Variants in MYO10 observed in about 807,000 individuals in gnomAD.
MYO10 encodes myosin X.
MYO10 carries 133 observed loss-of-function variants against 257.3 expected under a neutral mutation model. That is an observed-to-expected ratio of 0.52 (90% CI 0.45 to 0.60). The LOEUF (loss-of-function observed/expected upper bound fraction) is 0.60, where lower values mean the gene tolerates loss of function less well. MYO10 is among the 20% of genes least tolerant of loss of function. MYO10 has a pLI of 0.00. For missense variants in MYO10, 2,399 were observed against 2,635.7 expected, an observed-to-expected ratio of 0.91 and a Z score of 1.97; for synonymous variants, 1,104 against 1,028.6, an observed-to-expected ratio of 1.07 and a Z score of -1.40.
intron 1 of MYO10, among the ~76,000 whole-genome samples, chr5:16,918,500 CTTTTTTTT>C (rs5866221): frequency 1.7e-5 from 2 of 117,696 alleles, no homozygotes; most frequent in African/African-American, 3.3e-5. Flanking sequence ...TTTTTCTTTT[CTTTTTTTT>C]TTTTTTTTTT....
Position 16,761,560 on chromosome 5 carries a change from A to G in MYO10, c.1657-14T>C, listed in dbSNP as rs1380821730. The G allele has an allele frequency of 1.3e-6, 2 of 1,588,376 alleles. No homozygotes were observed. Among genetic ancestry groups the G allele is most frequent in the Non-Finnish European group, 1.7e-6 (2 of 1,157,144 alleles). On this transcript the variant is annotated splice_polypyrimidine_tract_variant and intron_variant, in intron 16 of 40. Transcript: ENST00000513610. ...ATCATATTGCACCTAGTTTTAATAA[A>G]TAAGAGAGGAGAAAACTGATTGAAA... is the stretch of plus-strand genomic sequence containing the variant.
intron 26 of MYO10, among the ~76,000 whole-genome samples, chr5:16,695,198 G>C (rs1388535262): frequency 6.6e-6 from 1 of 152,168 alleles, no homozygotes; most frequent in African/African-American, 2.4e-5. Context: ...GCCGGGTATG[G>C]TGGTGCGTGC....
In MYO10 at chr5:16,835,490, CTGTT is replaced by C. The variant is rs1346913838; in HGVS notation, c.121-17327_121-17324del. On this transcript the variant is annotated intron_variant, in intron 2 of 40. Coordinates refer to ENST00000513610, the MANE Select transcript of MYO10 (RefSeq NM_012334.3). The stretch of plus-strand genomic sequence containing the variant: ...GAGATCACACCAAAGTCATTTTTGG[CTGTT>C]TTTTTTTTTTTTTTTTTTTTTGGTG... 9.6e-4 allele frequency among the ~76,000 whole-genome samples: 61 copies of C among 63,252 alleles called. No individual in the cohort carries two copies. The East Asian group carries it at 0.024, about 25-fold the overall frequency. The allele number at this position is 63,252 out of a possible 152,430, so 41.5% of individuals were successfully genotyped here.
intron 25 of MYO10, among the ~76,000 whole-genome samples, chr5:16,700,072 C>G (rs746438275): frequency 1.3e-5 from 2 of 152,114 alleles, no homozygotes; most frequent in African/African-American, 2.4e-5. Flanking sequence ...CTTTGAAAGT[C>G]AAGAGAACAT....
chr5:16,935,997 C>A lies in MYO10; in HGVS notation c.-189G>T. 1.5e-6 allele frequency: 1 copy of A among 652,098 alleles called. No homozygotes were observed. The allele number at this position is 652,098 out of a possible 1,614,324, so 40.4% of individuals were successfully genotyped here. Reference sequence around the variant, plus strand: ...CTTTTGTTCGCCCAAACCCAAGTCCCTAACTCGCCCGTCCCGACGGCAGCC... The same window carrying A: ...CTTTTGTTCGCCCAAACCCAAGTCCATAACTCGCCCGTCCCGACGGCAGCC... On this transcript the variant is annotated 5_prime_UTR_variant, in exon 1 of 41. The change creates a new upstream start codon in the 5' untranslated region. Coordinates refer to ENST00000513610, the MANE Select transcript of MYO10 (RefSeq NM_012334.3).
intron 19 of MYO10, among the ~76,000 whole-genome samples, chr5:16,751,450 C>CT (rs1332937038): frequency 6.6e-6 from 1 of 152,108 alleles, no homozygotes; most frequent in African/African-American, 2.4e-5. Flanking sequence ...CAAGTCAGCT[C>CT]TTGTGCCTCT....
At chr5:16,865,671 C>T (rs1022349452) in intron 2 of MYO10, among the ~76,000 whole-genome samples, 2 of 151,738 alleles carry the variant, frequency 1.3e-5, no homozygotes, top group East Asian at 1.9e-4. Flanking sequence ...ATTAGCCGGG[C>T]GTGGTGGCAG....
chr5:16,906,669 G>A (rs1745528488), intron 1 of MYO10, among the ~76,000 whole-genome samples: 1 of 152,082 alleles, frequency 6.6e-6, no homozygotes, highest in Admixed American at 6.5e-5. Context: ...CTATCTCGAA[G>A]GTCACTGCAA....
intron 4 of MYO10, among the ~76,000 whole-genome samples, chr5:16,789,527 C>T (rs974730418): frequency 3.9e-5 from 6 of 152,150 alleles, no homozygotes; most frequent in African/African-American, 1.4e-4. Context: ...TTCACTCATG[C>T]CTGTAATCTT....
intron 16 of MYO10, 24 bp downstream of exon 16, chr5:16,762,021 A>G (rs1250001795): frequency 6.0e-6 from 9 of 1,505,732 alleles, no homozygotes; most frequent in Admixed American, 5.3e-5. Flanking sequence ...GCAAATATCA[A>G]TAGGTATCTT....
At chr5:16,720,022 G>GTGTA (rs757760988) in intron 19 of MYO10, among the ~76,000 whole-genome samples, 3 of 142,130 alleles carry the variant, frequency 2.1e-5, no homozygotes, top group African/African-American at 6.0e-5. Context: ...GTGTGTGTGT[G>GTGTA]TATATGTATG....
intron 1 of MYO10, among the ~76,000 whole-genome samples, chr5:16,921,132 G>GATAAAATAAA (rs56053669): frequency 0.053 from 7,923 of 149,152 alleles, 234 homozygotes; most frequent in Non-Finnish European, 0.065. Context: ...AATAACATAA[G>GATAAAATAAA]ATAAAATAAA....
At chr5:16,710,072 A>C (rs1360868260) in intron 21 of MYO10, among the ~76,000 whole-genome samples, 1 of 152,308 alleles carries the variant, frequency 6.6e-6, no homozygotes, top group East Asian at 1.9e-4. Flanking sequence ...AAAACAGCAT[A>C]TTATGAGTGG....
intron 18 of MYO10, among the ~76,000 whole-genome samples, chr5:16,757,119 TAAAAAA>T (rs58155620): frequency 9.0e-5 from 9 of 100,132 alleles, no homozygotes; most frequent in African/African-American, 3.7e-4. Context: ...ACTCTGCCTT[TAAAAAA>T]AAAAAAAAAA....
At chr5:16,749,031 C>T (rs1465709096) in intron 19 of MYO10, among the ~76,000 whole-genome samples, 2 of 152,162 alleles carry the variant, frequency 1.3e-5, no homozygotes, top group African/African-American at 4.8e-5. Context: ...GCCCACAAGG[C>T]TCACGTGACC....
At chr5:16,786,108 C>A (rs114214303) in intron 4 of MYO10, among the ~76,000 whole-genome samples, 1,536 of 31,640 alleles carry the variant, frequency 0.049, 8 homozygotes, top group South Asian at 0.1. Flanking sequence ...GAGTCCCTCC[C>A]CTACCCACCA....
intron 2 of MYO10, among the ~76,000 whole-genome samples, chr5:16,821,982 C>CAAA (rs35589852): frequency 3.0e-4 from 44 of 144,580 alleles, no homozygotes; most frequent in Admixed American, 1.7e-3. Context: ...ATGTGTATTT[C>CAAA]AAAAAAAAAA....
chr5:16,739,194 A>ACC (rs1561218922), intron 19 of MYO10, among the ~76,000 whole-genome samples: 8 of 149,864 alleles, frequency 5.3e-5, no homozygotes, highest in African/African-American at 2.0e-4. Context: ...CATGTCCCAA[A>ACC]AAAAAAAAAA....
intron 1 of MYO10, among the ~76,000 whole-genome samples, chr5:16,878,788 G>A (rs1744673942): frequency 1.3e-5 from 2 of 152,096 alleles, no homozygotes; most frequent in Non-Finnish European, 2.9e-5. Flanking sequence ...CTATGAGGAT[G>A]CAAAGGCATA....
Sources: gnomAD v4.1 joint callset for allele counts (sites outside exome capture counted in the v4.1 genomes callset) on GRCh38, gnomAD v4.1.1 for gene constraint, MANE v1.5 for transcripts, NCBI Gene and HGNC (gene_info 2026-07-23, HGNC 2026-07-21) for gene names.